The following GRM7 variants were observed in gnomAD, a reference collection of about 807,000 sequenced individuals.
The protein encoded by GRM7 is metabotropic glutamate receptor 7.
Under a neutral mutation model 84.5 loss-of-function variants are expected in GRM7, and 35 were observed. The observed-to-expected ratio is 0.41, with a 90% CI of 0.32 to 0.55. The LOEUF is 0.55. GRM7 is among the 20% of genes least tolerant of loss of function. The probability of loss-of-function intolerance (pLI) is 0.19; values close to 1 mark genes in which losing one functional copy is unlikely to be tolerated. For missense variants in GRM7, 1,003 were observed against 1,194.6 expected (o/e 0.84, Z 2.36); for synonymous variants, 487 against 455.1 (o/e 1.07, Z -0.89).
rs761399796 is a variant in GRM7, at chr3:7,302,931, ATTTTTTTTTTT to A, written c.879-3553_879-3543del. ...AGAAGTATTAACATTTGATTGTTCT[ATTTTTTTTTTT>A]TTTTTTTTTTTTTGTTGAGACAGAG... On this transcript the variant is annotated intron_variant, in intron 3 of 9. Transcript: ENST00000357716. Among the ~76,000 whole-genome samples the A allele has an allele frequency of 4.9e-3, 599 of 121,912 alleles. 4 individuals carry two copies. Among genetic ancestry groups the A allele is most frequent in the African/African-American group, 0.019 (515 of 27,232 alleles). 80.0% of individuals were successfully genotyped at this position (121,912 alleles called of 152,430 possible). A position where few individuals can be genotyped will look rare whatever the true frequency, so the allele number is the denominator to read the frequency against.
chr3:7,738,723 C>CA (rs975677109), intron 9 of GRM7, among the ~76,000 whole-genome samples: 3 of 131,690 alleles, frequency 2.3e-5, no homozygotes, highest in Non-Finnish European at 4.9e-5. Context: ...TCTGGGTTTT[C>CA]TTTTTTTTTT....
intron 1 of GRM7, among the ~76,000 whole-genome samples, chr3:6,970,699 G>A (rs1328978069): frequency 6.6e-6 from 1 of 152,038 alleles, no homozygotes; most frequent in Non-Finnish European, 1.5e-5. Flanking sequence ...CAAGAGAGAG[G>A]CCAGGCGCAG....
At chr3:7,064,124 G>A (rs1428110287) in intron 1 of GRM7, among the ~76,000 whole-genome samples, 2 of 150,916 alleles carry the variant, frequency 1.3e-5, no homozygotes, top group South Asian at 2.1e-4. Context: ...TGAGGAACAG[G>A]TGGTATCTGG....
chr3:6,881,921 T>TTG (rs3060190), intron 1 of GRM7, among the ~76,000 whole-genome samples: 102,406 of 144,558 alleles, frequency 0.71, 36,787 homozygotes, highest in East Asian at 0.82. Context: ...GGCAATTGAA[T>TTG]TGTGTGTGTG....
At chr3:6,960,937 T>C (rs746535077) in intron 1 of GRM7, among the ~76,000 whole-genome samples, 5 of 152,232 alleles carry the variant, frequency 3.3e-5, no homozygotes, top group Non-Finnish European at 5.9e-5. Context: ...GTTGTCATAG[T>C]TGTCTGCTAA....
chr3:7,247,656 A>G (rs1697825253), intron 2 of GRM7, among the ~76,000 whole-genome samples: 1 of 151,276 alleles, frequency 6.6e-6, no homozygotes, highest in African/African-American at 2.4e-5. Context: ...GTAAAAAAAA[A>G]ACTTTGCCAA....
At chr3:6,951,284 C>A (rs748168987) in intron 1 of GRM7, among the ~76,000 whole-genome samples, 4 of 152,132 alleles carry the variant, frequency 2.6e-5, no homozygotes, top group Non-Finnish European at 5.9e-5. Context: ...TTTATACTAT[C>A]ATTTCAGGCT....
rs1246971979 is a variant in GRM7 at position 7,574,138 on chromosome 3, G to A, written c.1516-4284G>A. On this transcript the variant is annotated intron_variant, in intron 7 of 9. Coordinates refer to ENST00000357716, the MANE Select transcript of GRM7 (RefSeq NM_000844.4). ...ATTATTTTTTTGCCATCCTCAGCTT[G>A]TGAGCTTTGTGTCTTAGGCTTGCTT... Among the ~76,000 whole-genome samples the A allele has an allele frequency of 2.7e-5, 4 of 146,826 alleles. No homozygotes were observed. In the East Asian group the frequency reaches 8.0e-4, roughly 29 times the overall value.
chr3:7,421,053 G>A (rs1696372173), intron 5 of GRM7, among the ~76,000 whole-genome samples: 1 of 152,102 alleles, frequency 6.6e-6, no homozygotes, highest in African/African-American at 2.4e-5. Context: ...TTTTTCATGT[G>A]TAATTGTTAA....
chr3:7,505,172 TCA>T (rs780562888), intron 7 of GRM7, among the ~76,000 whole-genome samples: 5 of 152,218 alleles, frequency 3.3e-5, no homozygotes, highest in Non-Finnish European at 5.9e-5. Flanking sequence ...GAATGATTTT[TCA>T]CTCTGTGTTG....
At chr3:7,271,490 C>T (rs1194154706) in intron 2 of GRM7, among the ~76,000 whole-genome samples, 2 of 142,838 alleles carry the variant, frequency 1.4e-5, no homozygotes, top group South Asian at 2.3e-4. Flanking sequence ...ACCCGGGAGG[C>T]GGAGCTTGCA....
intron 4 of GRM7, among the ~76,000 whole-genome samples, chr3:7,358,417 A>T (rs1693506897): frequency 8.0e-6 from 1 of 125,414 alleles, no homozygotes; most frequent in Non-Finnish European, 1.7e-5. Flanking sequence ...TGACAAAATT[A>T]AACGGTCATG....
intron 6 of GRM7, among the ~76,000 whole-genome samples, chr3:7,454,309 A>G (rs986770743): frequency 6.6e-6 from 1 of 152,178 alleles, no homozygotes; most frequent in African/African-American, 2.4e-5. Context: ...TAAAAGACAT[A>G]GGAGAAAGCA....
At chr3:7,029,595 G>A (rs1455154714) in intron 1 of GRM7, among the ~76,000 whole-genome samples, 3 of 152,168 alleles carry the variant, frequency 2.0e-5, no homozygotes, top group Non-Finnish European at 2.9e-5. Context: ...AGGGTAATAA[G>A]CCAGCTATAA....
intron 7 of GRM7, among the ~76,000 whole-genome samples, chr3:7,478,414 T>C (rs1699006768): frequency 6.6e-6 from 1 of 152,200 alleles, no homozygotes; most frequent in Admixed American, 6.5e-5. Flanking sequence ...AGTAGACATT[T>C]ATTTTTCAGC....
In GRM7 at chr3:6,917,945, C is replaced by T. The variant is rs148615884; in HGVS notation, c.519+56038C>T. On this transcript the variant is annotated intron_variant, in intron 1 of 9. Coordinates refer to ENST00000357716, the MANE Select transcript of GRM7 (RefSeq NM_000844.4). ...TTTGGAATTATTATTGCACCAATACCATCCTGCCTTAAATTTTGTATGGTT... is the reference window on the plus strand; with the variant it reads ...TTTGGAATTATTATTGCACCAATACTATCCTGCCTTAAATTTTGTATGGTT... Among the ~76,000 whole-genome samples the T allele has an allele frequency of 3.7e-3, 564 of 152,244 alleles. 7 individuals carry two copies. The highest frequency in any genetic ancestry group is 0.013 in the African/African-American group (526 of 41,550).
chr3:7,392,334 G>A (rs1479576959), intron 4 of GRM7, among the ~76,000 whole-genome samples: 1 of 152,232 alleles, frequency 6.6e-6, no homozygotes, highest in Non-Finnish European at 1.5e-5. Flanking sequence ...AGACAGGGAA[G>A]AGTCTAATTC....
chr3:7,643,884 C>T (rs151176461), intron 8 of GRM7, among the ~76,000 whole-genome samples: 1 of 151,930 alleles, frequency 6.6e-6, no homozygotes, highest in African/African-American at 2.4e-5. Flanking sequence ...CTTAACATGT[C>T]TTTTGTATGT....
At chr3:7,143,920 T>C (rs1052358877) in intron 1 of GRM7, among the ~76,000 whole-genome samples, 3 of 152,220 alleles carry the variant, frequency 2.0e-5, no homozygotes, top group Non-Finnish European at 4.4e-5. Context: ...TCTATTTTTC[T>C]GTCCAAAGCC....
Sources: gnomAD v4.1 joint callset for allele counts (sites outside exome capture counted in the v4.1 genomes callset) on GRCh38, gnomAD v4.1.1 for gene constraint, MANE v1.5 for transcripts, NCBI Gene and HGNC (gene_info 2026-07-23, HGNC 2026-07-21) for gene names.